The following CLEC4A variants were observed in gnomAD, a reference collection of about 807,000 sequenced individuals.
The protein encoded by CLEC4A is C-type (calcium dependent, carbohydrate-recognition domain) lectin, superfamily member 6.
Under a neutral mutation model 32.7 loss-of-function variants are expected in CLEC4A, and 27 were observed. The observed-to-expected ratio is 0.83, with a 90% confidence interval of 0.61 to 1.14. The LOEUF (loss-of-function observed/expected upper bound fraction) is 1.14. Ranked by LOEUF, CLEC4A falls within the 50% of genes most tolerant of loss-of-function variation. The pLI, the probability that CLEC4A is intolerant of heterozygous loss-of-function variation, is 0.00. For synonymous variants in CLEC4A, 89 were observed against 93.7 expected, an observed-to-expected ratio of 0.95 and a Z score of 0.29; for missense variants, 253 against 274.6, an observed-to-expected ratio of 0.92 and a Z score of 0.55.
chr12:8,111,215 C>G, the CLEC4A span, among the ~76,000 whole-genome samples: 1 of 131,766 alleles, frequency 7.6e-6, no homozygotes, highest in Non-Finnish European at 1.6e-5. Flanking sequence ...GACTCTGGCT[C>G]TGTTGCCCAC....
Position 8,126,449 on chromosome 12 carries a change from G to A in CLEC4A, c.199+772G>A, listed in dbSNP as rs773142765. Among the ~76,000 whole-genome samples, 17 of 151,188 alleles carry A rather than the reference G, an allele frequency of 1.1e-4. No individual in the cohort carries two copies. In the East Asian group the frequency reaches 2.9e-3, roughly 26 times the overall value. Reference sequence around the variant, plus strand: ...TTCCTGGCCTTGTCCTGAACTCCTGGGCTCAAGCAGTCTGCCTACCTCAGC... The same window carrying A: ...TTCCTGGCCTTGTCCTGAACTCCTGAGCTCAAGCAGTCTGCCTACCTCAGC... On this transcript the variant is annotated intron_variant, in intron 2 of 5. Coordinates refer to ENST00000229332, the MANE Select transcript of CLEC4A (RefSeq NM_016184.4).
intron 1 of CLEC4A, 71 bp downstream of exon 1, chr12:8,124,031 C>A: frequency 9.8e-7 from 1 of 1,020,572 alleles, no homozygotes; most frequent in Non-Finnish European, 1.5e-6. Flanking sequence ...ATGAATAAGG[C>A]ATAGGTGTTT....
chr12:8,136,381 A>G (rs1231880448), intron 4 of CLEC4A, among the ~76,000 whole-genome samples: 1 of 152,114 alleles, frequency 6.6e-6, no homozygotes, highest in Non-Finnish European at 1.5e-5. Flanking sequence ...CTTGGCCAAA[A>G]TGGTGAAACC....
In CLEC4A at chr12:8,129,323, A is replaced by G. The variant is rs1459590373; in HGVS notation, c.259A>G (p.Thr87Ala). 2.5e-6 allele frequency: 4 copies of G among 1,608,236 alleles called. No individual in the cohort carries two copies. The highest frequency in any genetic ancestry group is 3.4e-6 in the Non-Finnish European group (4 of 1,178,522). ...EKKTTKELVH[T>A]TLECVKKNMP... ...AAAGACTACAAAAGAGCTGGTTCAT[A>G]CAACATTGGAGTGTGTGAAAAAAAA... is the stretch of plus-strand genomic sequence containing the variant. The change falls in exon 3 of 6, where the codon ACA becomes GCA. Residue 87 changes from threonine (T) to alanine (A), a missense_variant. By Grantham distance (58) the Thr-to-Ala change is moderately conservative (BLOSUM62 0). Transcript: ENST00000229332.
chr12:8,133,160 C>T (rs1371308462), intron 3 of CLEC4A, among the ~76,000 whole-genome samples: 2 of 152,190 alleles, frequency 1.3e-5, no homozygotes, highest in Non-Finnish European at 2.9e-5. Context: ...GGTGATCCAT[C>T]CACCTCGGCC....
At chr12:8,130,160 T>C (rs1196551560) in intron 3 of CLEC4A, among the ~76,000 whole-genome samples, 2 of 152,216 alleles carry the variant, frequency 1.3e-5, no homozygotes, top group African/African-American at 4.8e-5. Flanking sequence ...TGTACTCATA[T>C]ATCTTTAATT....
Position 8,123,820 on chromosome 12 carries a change from A to G in CLEC4A, c.-59A>G. 1 of 1,194,420 alleles carries G rather than the reference A, an allele frequency of 8.4e-7. No homozygotes were observed. Among genetic ancestry groups the G allele is most frequent in the East Asian group, 2.3e-5 (1 of 42,916 alleles). 74.0% of individuals were successfully genotyped at this position (1,194,420 alleles called of 1,614,324 possible). On this transcript the variant is annotated 5_prime_UTR_variant, in exon 1 of 6. The change abolishes an upstream ATG in the 5' untranslated region. Coordinates refer to ENST00000229332, the MANE Select transcript of CLEC4A (RefSeq NM_016184.4). ...ACCATGTTTGGTTCCTGTTTATAAG[A>G]TGTTTTAAGAAAGATCTGAAACAGA...
chr12:8,117,492 G>A, the CLEC4A span, among the ~76,000 whole-genome samples: 1 of 152,152 alleles, frequency 6.6e-6, no homozygotes, highest in Non-Finnish European at 1.5e-5. Context: ...ACCTGCCTTG[G>A]CCTCCCAAGG....
At chr12:8,129,898 C>T (rs749202150) in intron 3 of CLEC4A, among the ~76,000 whole-genome samples, 12 of 152,254 alleles carry the variant, frequency 7.9e-5, no homozygotes, top group African/African-American at 2.2e-4. Flanking sequence ...TGCAGTAGTG[C>T]GAACATGGCT....
chr12:8,130,466 G>A (rs1947979176), intron 3 of CLEC4A, among the ~76,000 whole-genome samples: 1 of 152,098 alleles, frequency 6.6e-6, no homozygotes, highest in African/African-American at 2.4e-5. Flanking sequence ...TTGATCTCCT[G>A]GGTTCCAAGT....
chr12:8,134,979 G>GTTTTTTTT (rs1591611840), intron 3 of CLEC4A: 2,140 of 164,432 alleles, frequency 0.013, 324 homozygotes, highest in African/African-American at 0.038. Context: ...AAGCGTTTTT[G>GTTTTTTTT]TTTTTTGTTT....
Position 8,131,826 on chromosome 12 carries a change from A to ATC in CLEC4A, c.298+2465_298+2466insCT, listed in dbSNP as rs906542512. ...TGTACTCATGGAGATATATATATCT[A>ATC]TATATATATATATCTCTTCAACTTT... On this transcript the variant is annotated intron_variant, in intron 3 of 5. Coordinates refer to ENST00000229332, the MANE Select transcript of CLEC4A (RefSeq NM_016184.4). Among the ~76,000 whole-genome samples the ATC allele has an allele frequency of 3.9e-4, 58 of 150,568 alleles. No individual in the cohort carries two copies. The South Asian group carries it at 5.9e-3, about 15-fold the overall frequency.
chr12:8,115,159 G>T, the CLEC4A span, among the ~76,000 whole-genome samples: 1 of 152,172 alleles, frequency 6.6e-6, no homozygotes, highest in African/African-American at 2.4e-5. Context: ...AATCCTGGAA[G>T]CTTTTCGATT....
chr12:8,129,413 T>A (rs756694341), intron 3 of CLEC4A, 51 bp downstream of exon 3: 1 of 1,161,550 alleles, frequency 8.6e-7, no homozygotes, highest in Non-Finnish European at 1.3e-6. Flanking sequence ...TATGTAAGGA[T>A]CCCAAATCAA....
upstream of CLEC4A, among the ~76,000 whole-genome samples, chr12:8,118,780 C>T (rs1050429506): frequency 1.3e-5 from 2 of 152,168 alleles, no homozygotes; most frequent in Non-Finnish European, 2.9e-5. Flanking sequence ...ATCCAAAACC[C>T]AGGTATTGCC....
chr12:8,119,188 T>C (rs913582425), upstream of CLEC4A, among the ~76,000 whole-genome samples: 1 of 152,226 alleles, frequency 6.6e-6, no homozygotes, highest in Non-Finnish European at 1.5e-5. Context: ...ATGGTCTTAG[T>C]CTCATCTTTG....
chr12:8,104,059 G>A, the CLEC4A span, among the ~76,000 whole-genome samples: 3 of 152,172 alleles, frequency 2.0e-5, no homozygotes, highest in African/African-American at 7.2e-5. Flanking sequence ...GGGACTAGAA[G>A]TTGGTAAGTT....
the CLEC4A span, among the ~76,000 whole-genome samples, chr12:8,103,373 G>GGTTTTTTT: frequency 1.3e-5 from 1 of 78,036 alleles, no homozygotes; most frequent in Admixed American, 1.6e-4. Flanking sequence ...GTTTCTTTCT[G>GGTTTTTTT]TTGTTTTTTT....
the CLEC4A span, among the ~76,000 whole-genome samples, chr12:8,108,634 T>C: frequency 2.6e-5 from 4 of 152,220 alleles, no homozygotes; most frequent in Non-Finnish European, 5.9e-5. Context: ...TTTTATGGTT[T>C]GACATTTATT....
Sources: gnomAD v4.1 joint callset for allele counts (sites outside exome capture counted in the v4.1 genomes callset) on GRCh38, gnomAD v4.1.1 for gene constraint, MANE v1.5 for transcripts, NCBI Gene and HGNC (gene_info 2026-07-23, HGNC 2026-07-21) for gene names.